SPAG16: variants seen among roughly 807,000 people sequenced by gnomAD.
SPAG16 encodes the protein sperm associated antigen 16, also known as sperm-associated antigen 16 protein.
Under a neutral mutation model 80.4 loss-of-function variants are expected in SPAG16, and 86 were observed. That is an observed-to-expected ratio of 1.07 (90% CI 0.90 to 1.28). SPAG16 has a LOEUF of 1.28. Among genes scored for constraint, SPAG16 ranks in the 50% most tolerant of loss-of-function variants. The probability of loss-of-function intolerance (pLI) is 0.00; values close to 1 mark genes in which losing one functional copy is unlikely to be tolerated. For missense variants in SPAG16, 870 were observed against 765.3 expected, an observed-to-expected ratio of 1.14 and a Z score of -1.61; for synonymous variants, 294 against 265.9, an observed-to-expected ratio of 1.11 and a Z score of -1.03.
intron 15 of SPAG16, among the ~76,000 whole-genome samples, chr2:214,222,596 A>AT (rs375824036): frequency 1.3e-5 from 2 of 152,112 alleles, no homozygotes; most frequent in South Asian, 2.1e-4. Flanking sequence ...TTTTGCTTTA[A>AT]TTTTTTTTAC....
intron 6 of SPAG16, among the ~76,000 whole-genome samples, chr2:213,349,715 A>G (rs927683830): frequency 2.6e-5 from 4 of 152,220 alleles, no homozygotes; most frequent in African/African-American, 9.6e-5. Flanking sequence ...TACTACTCAC[A>G]GTAAAAAGGA....
At chr2:213,362,368 T>A (rs2066030694) in intron 7 of SPAG16, among the ~76,000 whole-genome samples, 1 of 152,190 alleles carries the variant, frequency 6.6e-6, no homozygotes, top group South Asian at 2.1e-4. Flanking sequence ...ATGTTGATAA[T>A]CCTTCCCTCA....
intron 10 of SPAG16, among the ~76,000 whole-genome samples, chr2:213,625,724 C>G (rs1452788599): frequency 6.6e-6 from 1 of 152,002 alleles, no homozygotes; most frequent in Non-Finnish European, 1.5e-5. Flanking sequence ...TGCTCTGTTG[C>G]CCAGGCTGGA....
chr2:214,410,236 C>G lies in SPAG16; in HGVS notation c.1817C>G (p.Ala606Gly), dbSNP rs1438660507. The change falls in exon 16 of 16, where the codon GCA becomes GGA. Residue 606 changes from alanine (A) to glycine (G), a missense_variant. By Grantham distance (60) the Ala-to-Gly change is moderately conservative (BLOSUM62 0). Transcript: ENST00000331683. ...AAATTGATGGGCCACGAAAACGAGG[C>G]ACACACGGTTGTGTTTTCTCACGAC... ...IHKLMGHENEAHTVVFSHDGE... is the reference protein window; with the variant it reads ...IHKLMGHENEGHTVVFSHDGE... 6.2e-7 allele frequency: 1 copy of G among 1,613,168 alleles called. No homozygotes were observed. Among genetic ancestry groups the G allele is most frequent in the Non-Finnish European group, 8.5e-7 (1 of 1,179,270 alleles).
intron 15 of SPAG16, among the ~76,000 whole-genome samples, chr2:214,265,275 C>T (rs556995530): frequency 3.4e-4 from 52 of 152,026 alleles, no homozygotes; most frequent in Admixed American, 2.0e-3. Flanking sequence ...TTGTTATATC[C>T]GCATTATGGA....
intron 15 of SPAG16, among the ~76,000 whole-genome samples, chr2:214,309,261 G>C (rs1695125830): frequency 6.6e-6 from 1 of 151,632 alleles, no homozygotes; most frequent in African/African-American, 2.4e-5. Flanking sequence ...CTCTATACTG[G>C]TCATTTTGTC....
intron 13 of SPAG16, among the ~76,000 whole-genome samples, chr2:214,064,136 C>T (rs986246349): frequency 5.9e-5 from 9 of 151,720 alleles, no homozygotes; most frequent in Admixed American, 2.6e-4. Flanking sequence ...TATTTCAAAA[C>T]GTGTCTTTGG....
rs956806755 is a variant in SPAG16, at chr2:213,892,109, C to G, written c.1214+29481C>G. On this transcript the variant is annotated intron_variant, in intron 11 of 15. Coordinates refer to ENST00000331683, the MANE Select transcript of SPAG16 (RefSeq NM_024532.5). ...ATGCCAAATCAGAATGACTGTATAG[C>G]AGCACCACACGAAAGGAGGTTCATC... Among the ~76,000 whole-genome samples, 3 of 152,036 alleles carry G rather than the reference C, an allele frequency of 2.0e-5. No individual in the cohort carries two copies. In the South Asian group the frequency reaches 6.2e-4, roughly 32 times the overall value.
chr2:213,778,223 C>G (rs1203378128), intron 10 of SPAG16, among the ~76,000 whole-genome samples: 1 of 151,688 alleles, frequency 6.6e-6, no homozygotes, highest in Non-Finnish European at 1.5e-5. Context: ...TGCTTAACAT[C>G]TTTAATTAGT....
At chr2:213,413,037 T>C (rs1004744162) in intron 9 of SPAG16, among the ~76,000 whole-genome samples, 3 of 152,256 alleles carry the variant, frequency 2.0e-5, no homozygotes, top group Middle Eastern at 7.0e-3. Flanking sequence ...TTGAGTTATA[T>C]TGGGTAATGC....
intron 10 of SPAG16, among the ~76,000 whole-genome samples, chr2:213,603,792 T>C (rs1052950780): frequency 1.3e-5 from 2 of 152,222 alleles, no homozygotes; most frequent in African/African-American, 4.8e-5. Context: ...TGGCCTACCA[T>C]TCACACTCCA....
intron 12 of SPAG16, among the ~76,000 whole-genome samples, chr2:213,976,135 T>TATATACACAC (rs749957411): frequency 2.9e-4 from 24 of 81,404 alleles, no homozygotes; most frequent in African/African-American, 9.1e-4. Context: ...TATATATATA[T>TATATACACAC]ACACACACAC....
chr2:213,853,226 C>A (rs1200654166), intron 10 of SPAG16, among the ~76,000 whole-genome samples: 1 of 152,104 alleles, frequency 6.6e-6, no homozygotes, highest in Non-Finnish European at 1.5e-5. Context: ...TTGTGACAAT[C>A]TTTTTTTGGA....
At chr2:213,313,617 C>T (rs2063291419) in intron 4 of SPAG16, among the ~76,000 whole-genome samples, 1 of 151,776 alleles carries the variant, frequency 6.6e-6, no homozygotes, top group African/African-American at 2.4e-5. Flanking sequence ...TGCAATTATA[C>T]AAGAGAATCT....
chr2:213,436,797 C>T (rs891267054), intron 9 of SPAG16, among the ~76,000 whole-genome samples: 2 of 152,068 alleles, frequency 1.3e-5, no homozygotes, highest in Non-Finnish European at 2.9e-5. Context: ...TTTATGGGAA[C>T]ATTTGCATTG....
chr2:214,203,034 G>T (rs1362700854), intron 15 of SPAG16, among the ~76,000 whole-genome samples: 1 of 152,050 alleles, frequency 6.6e-6, no homozygotes, highest in African/African-American at 2.4e-5. Flanking sequence ...ACCAAAACAG[G>T]TTTTAAATTC....
intron 13 of SPAG16, among the ~76,000 whole-genome samples, chr2:214,046,054 A>T (rs544471406): frequency 3.9e-5 from 6 of 152,318 alleles, no homozygotes; most frequent in Non-Finnish European, 8.8e-5. Context: ...AAGGATTATT[A>T]GCAGCCACTA....
At chr2:214,379,521 T>C (rs1700329547) in intron 15 of SPAG16, among the ~76,000 whole-genome samples, 1 of 152,174 alleles carries the variant, frequency 6.6e-6, no homozygotes, top group Admixed American at 6.5e-5. Flanking sequence ...TCTAATACTC[T>C]CCATGTGACT....
chr2:214,210,550 A>C (rs186113555), intron 15 of SPAG16, among the ~76,000 whole-genome samples: 29 of 152,250 alleles, frequency 1.9e-4, no homozygotes, highest in African/African-American at 7.0e-4. Context: ...CTCTTACCCC[A>C]TGCATATTTC....
Sources: gnomAD v4.1 joint callset for allele counts (sites outside exome capture counted in the v4.1 genomes callset) on GRCh38, gnomAD v4.1.1 for gene constraint, MANE v1.5 for transcripts, NCBI Gene and HGNC (gene_info 2026-07-23, HGNC 2026-07-21) for gene names.